The following RASAL1 variants were observed in gnomAD, a reference collection of about 807,000 sequenced individuals.
RASAL1 encodes RAS protein activator like 1.
In RASAL1, 72 loss-of-function variants were observed where a neutral mutation model predicts 96.6. The observed-to-expected ratio is 0.75, with a 90% confidence interval of 0.62 to 0.91. RASAL1 has a LOEUF of 0.91. Among genes scored for constraint, RASAL1 ranks in the 40% least tolerant of loss-of-function variants. The pLI is 0.00. For synonymous variants in RASAL1, 405 were observed against 430.4 expected (o/e 0.94, Z 0.73); for missense variants, 1,016 against 1,072.5 (o/e 0.95, Z 0.74).
chr12:113,135,565 G>A lies in RASAL1; in HGVS notation c.-103C>T, dbSNP rs1951883122. 3.1e-6 allele frequency: 3 copies of A among 976,228 alleles called. No homozygotes were observed. The East Asian group carries it at 7.9e-5, about 26-fold the overall frequency. 60.5% of individuals were successfully genotyped at this position (976,228 alleles called of 1,614,324 possible). On this transcript the variant is annotated 5_prime_UTR_variant, in exon 1 of 21. The change creates a new upstream start codon in the 5' untranslated region. Coordinates refer to ENST00000548055, the MANE Select transcript of RASAL1 (RefSeq NM_001301202.2). The surrounding 1 kb of genome is among the most constrained non-coding windows in gnomAD (Gnocchi z 5.7). ...TGCTTCAAGCCTGGCTCCCTGCCTCGTGGTCCCAGTGCCGCCTGTCCGAGA... is the reference window on the plus strand; with the variant it reads ...TGCTTCAAGCCTGGCTCCCTGCCTCATGGTCCCAGTGCCGCCTGTCCGAGA...
chr12:113,108,072 C>T lies in RASAL1; in HGVS notation c.1512+13G>A, dbSNP rs1566042170. ...CTAAAGTACCTAGGATGGGGGAAACCCATGGCTGGCACCTTGGCAAGCAAC... is the reference window on the plus strand; with the variant it reads ...CTAAAGTACCTAGGATGGGGGAAACTCATGGCTGGCACCTTGGCAAGCAAC... On this transcript the variant is annotated intron_variant, in intron 14 of 20. Transcript: ENST00000548055. The T allele has an allele frequency of 6.2e-7, 1 of 1,606,018 alleles. No homozygotes were observed. Among genetic ancestry groups the T allele is most frequent in the Non-Finnish European group, 8.5e-7 (1 of 1,176,554 alleles).
intron 15 of RASAL1, among the ~76,000 whole-genome samples, chr12:113,106,378 C>G (rs1380946184): frequency 6.6e-6 from 1 of 152,232 alleles, no homozygotes; most frequent in Non-Finnish European, 1.5e-5. Flanking sequence ...TTTCCTGCTA[C>G]AAATCATCCT....
chr12:113,107,389 G>A (rs749093008), intron 14 of RASAL1, 148 bp from the exon 15 acceptor site: 105 of 886,664 alleles, frequency 1.2e-4, no homozygotes, highest in Non-Finnish European at 1.6e-4. Context: ...TTGGGAGGCC[G>A]AAGTAAGCGG....
In RASAL1 at chr12:113,135,361, C is replaced by T. The variant is rs1038796417; in HGVS notation, c.65+37G>A. 4.4e-6 allele frequency: 7 copies of T among 1,584,132 alleles called. No homozygotes were observed. In the East Asian group the frequency reaches 9.3e-5, roughly 21 times the overall value. On this transcript the variant is annotated intron_variant, in intron 1 of 20. Transcript: ENST00000548055. This position sits in a 1 kb window ranked among gnomAD's most constrained non-coding sequence, Gnocchi z 5.7. Reference sequence around the variant, plus strand: ...GACGTCGGCCCCACCCCAGGCCTTGCGCGCCCCTCACCCAGAAGCGCCCGA... The same window carrying T: ...GACGTCGGCCCCACCCCAGGCCTTGTGCGCCCCTCACCCAGAAGCGCCCGA...
intron 4 of RASAL1, among the ~76,000 whole-genome samples, chr12:113,126,469 C>A (rs1318674276): frequency 6.6e-6 from 1 of 151,880 alleles, no homozygotes; most frequent in Non-Finnish European, 1.5e-5. Context: ...TCACTTGAGG[C>A]CAAGAGTTCA....
At chr12:113,100,155 A>G in intron 20 of RASAL1, 87 bp from the exon 21 acceptor site, 1 of 1,414,672 alleles carries the variant, frequency 7.1e-7, no homozygotes, top group South Asian at 1.5e-5. Flanking sequence ...CATGCTGAAG[A>G]TGTGCCTTGT....
At position 113,114,910 on chromosome 12, in the gene RASAL1, G is replaced by A. The variant is rs758392374; in HGVS notation, c.1071C>T (p.Leu357=). ...ASKSMEQFMK[L]VGMPYLHEVL... ...CCTCGTGCAGGTAGGGCATGCCCAC[G>A]AGCTGGGGGCAGGGGGCACCACACG... is the stretch of plus-strand genomic sequence containing the variant. Residue 357 remains leucine, a splice_region_variant and synonymous_variant, in exon 12 of 21, where the codon CTC becomes CTT. Coordinates refer to ENST00000548055, the MANE Select transcript of RASAL1 (RefSeq NM_001301202.2). The A allele has an allele frequency of 1.4e-5, 22 of 1,611,780 alleles. No individual in the cohort carries two copies. The highest frequency in any genetic ancestry group is 4.5e-5 in the East Asian group (2 of 44,884).
intron 17 of RASAL1, 23 bp downstream of exon 17, chr12:113,104,138 T>C (rs1950561110): frequency 6.3e-7 from 1 of 1,595,166 alleles, no homozygotes; most frequent in East Asian, 2.3e-5. Flanking sequence ...CGCCCCCCGC[T>C]CCCCATCGCG....
In RASAL1 at chr12:113,100,050, A is replaced by G. The variant is rs1028741542; in HGVS notation, c.2297T>C (p.Leu766Pro). 4 of 1,610,286 alleles carry G rather than the reference A, an allele frequency of 2.5e-6. No individual in the cohort carries two copies. The African/African-American group carries it at 4.0e-5, about 16-fold the overall frequency. The change falls in exon 21 of 21, where the codon CTG becomes CCG. Residue 766 changes from leucine (L) to proline (P), a missense_variant. Physicochemically the swap from Leu to Pro is moderately conservative, Grantham distance 98 (BLOSUM62 -3). Transcript: ENST00000548055. ...EADTGACPEVLARQRAATARL... is the reference protein window; with the variant it reads ...EADTGACPEVPARQRAATARL... Reference sequence around the variant, plus strand: ...GGCAGTTGCTGCTCTTTGCCGGGCCAGGACCTCAGGACAGGCCCCTAGGAG... The same window carrying G: ...GGCAGTTGCTGCTCTTTGCCGGGCCGGGACCTCAGGACAGGCCCCTAGGAG...
intron 5 of RASAL1, among the ~76,000 whole-genome samples, chr12:113,120,366 T>A (rs1951248856): frequency 6.6e-6 from 1 of 152,016 alleles, no homozygotes; most frequent in African/African-American, 2.4e-5. Flanking sequence ...CCCTGCTGAG[T>A]CCCTCAGCCT....
chr12:113,115,597 T>G lies in RASAL1; in HGVS notation c.1003+38A>C, dbSNP rs781367202. The G allele has an allele frequency of 1.2e-5, 19 of 1,603,956 alleles. No homozygotes were observed. The African/African-American group carries it at 2.1e-4, about 18-fold the overall frequency. On this transcript the variant is annotated intron_variant, in intron 10 of 20. Transcript: ENST00000548055. This position sits in a 1 kb window ranked among gnomAD's most constrained non-coding sequence, Gnocchi z 4.1. ...CAGGACCCTCCTGCAAGCCCACCAT[T>G]GAGGGCGGTGATGTCGGGGGTTGTG... is the stretch of plus-strand genomic sequence containing the variant.
intron 8 of RASAL1, among the ~76,000 whole-genome samples, chr12:113,116,552 G>A (rs1201239423): frequency 2.0e-5 from 3 of 152,156 alleles, no homozygotes; most frequent in African/African-American, 4.8e-5. Context: ...AGGCAGCTGT[G>A]AACAGGCATA....
intron 14 of RASAL1, chr12:113,107,576 T>C: frequency 2.0e-6 from 1 of 504,468 alleles, no homozygotes; most frequent in South Asian, 1.6e-5. Context: ...TAAGCCAAGA[T>C]CGTGCCACTG....
chr12:113,117,278 C>T (rs1951124697), intron 7 of RASAL1, 117 bp from the exon 8 acceptor site: 2 of 680,192 alleles, frequency 2.9e-6, no homozygotes, highest in Admixed American at 4.0e-5. Flanking sequence ...GGCAGAATGG[C>T]CTGCCAGGGG....
intron 5 of RASAL1, 35 bp from the exon 6 acceptor site, chr12:113,119,478 G>T (rs367591172): frequency 1.5e-4 from 234 of 1,569,712 alleles, no homozygotes; most frequent in Middle Eastern, 5.0e-4. Flanking sequence ...GAGGAAACAC[G>T]GCACCCAAGT....
intron 7 of RASAL1, among the ~76,000 whole-genome samples, chr12:113,117,664 C>A (rs1214278087): frequency 1.3e-5 from 2 of 152,124 alleles, no homozygotes; most frequent in African/African-American, 4.8e-5. Flanking sequence ...TTAGTTGTGC[C>A]GCTGATTCCA....
At chr12:113,113,834 G>A (rs996022619) in intron 12 of RASAL1, among the ~76,000 whole-genome samples, 2 of 152,178 alleles carry the variant, frequency 1.3e-5, no homozygotes, top group African/African-American at 4.8e-5. Flanking sequence ...ATGACCCCCA[G>A]CCACTGCTCT....
intron 15 of RASAL1, among the ~76,000 whole-genome samples, chr12:113,106,473 G>C (rs1950650418): frequency 6.6e-6 from 1 of 152,170 alleles, no homozygotes; most frequent in African/African-American, 2.4e-5. Flanking sequence ...TCACCTCTCT[G>C]GCCTTGCCTC....
chr12:113,106,516 T>C (rs2136120133), intron 15 of RASAL1, among the ~76,000 whole-genome samples: 1 of 152,334 alleles, frequency 6.6e-6, no homozygotes, highest in East Asian at 1.9e-4. Flanking sequence ...TTCACTCTTC[T>C]TCACGGGTGT....
Sources: allele counts gnomAD v4.1 joint callset (sites outside exome capture counted in the v4.1 genomes callset), GRCh38; gene constraint gnomAD v4.1.1; non-coding constraint Gnocchi (gnomAD v3.1); transcripts MANE v1.5; gene names NCBI Gene and HGNC (gene_info 2026-07-23, HGNC 2026-07-21).